COL13A1: variants seen among roughly 807,000 people sequenced by gnomAD.
COL13A1 encodes collagen type XIII alpha 1 chain, also known as collagen alpha-1(XIII) chain.
Under a neutral mutation model 130.9 loss-of-function variants are expected in COL13A1, and 89 were observed. The ratio of observed to expected loss-of-function variants is 0.68; its 90% CI spans 0.57 to 0.81. The LOEUF (loss-of-function observed/expected upper bound fraction) is 0.81, where lower values mean the gene tolerates loss of function less well. Ranked by LOEUF, COL13A1 falls within the 30% of genes least tolerant of loss-of-function variation. The pLI is 0.00. For synonymous variants in COL13A1, 402 were observed against 341.6 expected (o/e 1.18, Z -1.95); for missense variants, 879 against 934.6 (o/e 0.94, Z 0.78).
intron 14 of COL13A1, among the ~76,000 whole-genome samples, chr10:69,901,330 C>T (rs1417997733): frequency 3.3e-5 from 5 of 152,240 alleles, no homozygotes; most frequent in Admixed American, 3.3e-4. Context: ...TAGATGCCAT[C>T]TGCCTACAGG....
intron 15 of COL13A1, among the ~76,000 whole-genome samples, chr10:69,904,330 T>G (rs2062509181): frequency 6.6e-6 from 1 of 151,856 alleles, no homozygotes; most frequent in Non-Finnish European, 1.5e-5. Flanking sequence ...CCAGAGAGCA[T>G]GTTTCTTAAC....
chr10:69,902,879 T>C, intron 15 of COL13A1, 24 bp downstream of exon 15: 1 of 1,478,482 alleles, frequency 6.8e-7, no homozygotes, highest in South Asian at 1.3e-5. Context: ...TCCTCTCTCC[T>C]TCAAGACTTA....
chr10:69,880,244 C>T (rs1025666328), intron 6 of COL13A1, among the ~76,000 whole-genome samples: 1 of 152,138 alleles, frequency 6.6e-6, no homozygotes, highest in Non-Finnish European at 1.5e-5. Flanking sequence ...TCTCCTTTCC[C>T]TCCTGCTGCT....
intron 1 of COL13A1, among the ~76,000 whole-genome samples, chr10:69,819,084 T>A (rs1845375249): frequency 6.6e-6 from 1 of 152,256 alleles, no homozygotes; most frequent in Non-Finnish European, 1.5e-5. Flanking sequence ...TTTTGCAGTC[T>A]CACAATTAGT....
chr10:69,821,384 G>A (rs1846036121), intron 1 of COL13A1, among the ~76,000 whole-genome samples: 1 of 152,212 alleles, frequency 6.6e-6, no homozygotes, highest in South Asian at 2.1e-4. Context: ...CCTTACTTCA[G>A]CCTTGACCTT....
chr10:69,916,931 A>G lies in COL13A1; in HGVS notation c.922-358A>G, dbSNP rs115376006. Among the ~76,000 whole-genome samples the G allele has an allele frequency of 6.8e-3, 1,029 of 152,268 alleles. 6 individuals carry two copies. Among genetic ancestry groups the G allele is most frequent in the African/African-American group, 0.024 (986 of 41,548 alleles). On this transcript the variant is annotated intron_variant, in intron 17 of 40. Coordinates refer to ENST00000645393, the MANE Select transcript of COL13A1 (RefSeq NM_001368882.1). The stretch of plus-strand genomic sequence containing the variant: ...AAGGTGTGCAGTAGGTAAGCAGCCA[A>G]TGGGTGGCTCCTGCCCCTGGTCCCG...
rs148062105 is a variant in COL13A1 at position 69,843,396 on chromosome 10, T to C, written c.364+20958T>C. On this transcript the variant is annotated intron_variant, in intron 2 of 40. Transcript: ENST00000645393. ...CCTCTTGGGCAAATTTTTCAACCTC[T>C]AGGGTCTTTTTTCATCTACACTGCG... 5.8e-4 allele frequency among the ~76,000 whole-genome samples: 88 copies of C among 152,136 alleles called. 1 individual carries two copies. The highest frequency in any genetic ancestry group is 1.9e-3 in the African/African-American group (77 of 41,498).
intron 2 of COL13A1, among the ~76,000 whole-genome samples, chr10:69,867,504 G>A (rs980938912): frequency 2.0e-5 from 3 of 152,214 alleles, no homozygotes; most frequent in South Asian, 2.1e-4. Context: ...GGCAGGTCCC[G>A]TAGAGCCCGT....
intron 23 of COL13A1, 128 bp from the exon 24 acceptor site, chr10:69,923,674 C>A: frequency 1.6e-6 from 2 of 1,224,208 alleles, no homozygotes; most frequent in Non-Finnish European, 1.2e-6. Flanking sequence ...GTGGGAGGTG[C>A]AGAAGCCATC....
chr10:69,895,624 G>A, intron 13 of COL13A1, 48 bp downstream of exon 13: 1 of 1,604,452 alleles, frequency 6.2e-7, no homozygotes, highest in Non-Finnish European at 8.5e-7. Flanking sequence ...CCATCCCTGG[G>A]GCACAGCGCC....
chr10:69,946,530 T>TA (rs1469981589), intron 37 of COL13A1, among the ~76,000 whole-genome samples: 1 of 152,174 alleles, frequency 6.6e-6, no homozygotes, highest in Non-Finnish European at 1.5e-5. Context: ...GTTGGCCAGG[T>TA]ACGCACATCT....
At chr10:69,881,366 AG>A (rs1273627269) in intron 7 of COL13A1, among the ~76,000 whole-genome samples, 1 of 152,102 alleles carries the variant, frequency 6.6e-6, no homozygotes, top group African/African-American at 2.4e-5. Flanking sequence ...CCACAGCAGC[AG>A]GCCGCCGGCT....
chr10:69,878,182 GC>G (rs1293732762), intron 6 of COL13A1, 117 bp downstream of exon 6: 1 of 667,410 alleles, frequency 1.5e-6, no homozygotes, highest in East Asian at 2.7e-5. Context: ...TGCTGGCTGG[GC>G]CTGCTGCCCT....
Position 69,933,839 on chromosome 10 carries a change from G to T in COL13A1, c.1728+1235G>T, listed in dbSNP as rs551594524. ...TAGTAATAATAGTCACCACGTCTGAGCACTTCCCTCGTGCCAAGCACCGCA... is the reference window on the plus strand; with the variant it reads ...TAGTAATAATAGTCACCACGTCTGATCACTTCCCTCGTGCCAAGCACCGCA... On this transcript the variant is annotated intron_variant, in intron 31 of 40. Coordinates refer to ENST00000645393, the MANE Select transcript of COL13A1 (RefSeq NM_001368882.1). Among the ~76,000 whole-genome samples the T allele has an allele frequency of 3.9e-5, 6 of 152,126 alleles. 2 individuals are homozygous for T. In the South Asian group the frequency reaches 1.2e-3, roughly 32 times the overall value.
intron 17 of COL13A1, among the ~76,000 whole-genome samples, chr10:69,911,351 A>G (rs1003856526): frequency 2.6e-5 from 4 of 152,216 alleles, no homozygotes; most frequent in African/African-American, 9.7e-5. Context: ...GCTGTGTACT[A>G]GGCACTTTGC....
chr10:69,935,940 G>A (rs2066776462), intron 32 of COL13A1, among the ~76,000 whole-genome samples: 1 of 151,328 alleles, frequency 6.6e-6, no homozygotes, highest in South Asian at 2.1e-4. Context: ...GGGCCCCAGA[G>A]ATCGAGGCTG....
chr10:69,893,270 T>C (rs562731316), intron 10 of COL13A1, among the ~76,000 whole-genome samples: 1 of 152,378 alleles, frequency 6.6e-6, no homozygotes, highest in Admixed American at 6.5e-5. Flanking sequence ...GAGGACTGCC[T>C]GAACCCAGGA....
Position 69,905,814 on chromosome 10 carries a change from G to A in COL13A1, c.913G>A (p.Gly305Ser), listed in dbSNP as rs763532264. The A allele has an allele frequency of 3.1e-5, 50 of 1,613,632 alleles. No individual in the cohort carries two copies. The highest frequency in any genetic ancestry group is 3.8e-5 in the Non-Finnish European group (45 of 1,179,828). ...KGDPGIQGYHGRKGERGMPGM... is the reference protein window; with the variant it reads ...KGDPGIQGYHSRKGERGMPGM... ...AGACCCAGGGATCCAGGGCTACCAC[G>A]GCCGGAAGGTAAGATGGAGGGGGAG... Residue 305 changes from glycine to serine, a missense_variant, in exon 17 of 41, where the codon GGC becomes AGC. Gly to Ser is a moderately conservative substitution (Grantham distance 56). Around this residue, in one of 3 missense-constraint regions of COL13A1, gnomAD observed 715 missense variants for 721.0 expected, o/e 0.99. Coordinates refer to ENST00000645393, the MANE Select transcript of COL13A1 (RefSeq NM_001368882.1).
At chr10:69,840,700 T>C (rs1851364470) in intron 2 of COL13A1, among the ~76,000 whole-genome samples, 1 of 152,104 alleles carries the variant, frequency 6.6e-6, no homozygotes. Context: ...AGGCTGGGAA[T>C]GTCATGGGAT....
Sources: allele counts gnomAD v4.1 joint callset (sites outside exome capture counted in the v4.1 genomes callset), GRCh38; gene constraint gnomAD v4.1.1; regional missense constraint gnomAD v4.1.1; transcripts MANE v1.5; gene names NCBI Gene and HGNC (gene_info 2026-07-23, HGNC 2026-07-21).